Variants in UBE2D1 observed in about 807,000 individuals in gnomAD.
UBE2D1 encodes ubiquitin conjugating enzyme E2 D1, also known as ubiquitin-conjugating enzyme E2 D1.
UBE2D1 carries 9 observed loss-of-function variants against 24.6 expected under a neutral mutation model. The ratio of observed to expected loss-of-function variants is 0.37; its 90% confidence interval spans 0.22 to 0.64. The LOEUF (loss-of-function observed/expected upper bound fraction) is 0.64. Ranked by LOEUF, UBE2D1 falls within the 30% of genes least tolerant of loss-of-function variation. The probability of loss-of-function intolerance (pLI) is 0.64; values close to 1 mark genes in which losing one functional copy is unlikely to be tolerated. For missense variants in UBE2D1, 87 were observed against 177.1 expected (o/e 0.49, Z 2.89); for synonymous variants, 57 against 57.6 (o/e 0.99, Z 0.04).
intron 3 of UBE2D1, among the ~76,000 whole-genome samples, chr10:58,363,077 T>C (rs2132331635): frequency 6.6e-6 from 1 of 152,254 alleles, no homozygotes; most frequent in East Asian, 1.9e-4. Context: ...TTATAAATAA[T>C]TACTAAACGA....
At chr10:58,344,515 T>G (rs1839995313) in intron 1 of UBE2D1, among the ~76,000 whole-genome samples, 1 of 152,166 alleles carries the variant, frequency 6.6e-6, no homozygotes, top group Non-Finnish European at 1.5e-5. Flanking sequence ...GTTTTTTTTT[T>G]TGCAGCAAAC....
chr10:58,360,212 T>C (rs555861759), intron 1 of UBE2D1, among the ~76,000 whole-genome samples: 2 of 152,320 alleles, frequency 1.3e-5, no homozygotes, highest in African/African-American at 4.8e-5. Context: ...AAGTAACTCC[T>C]ACTCATCCTT....
chr10:58,340,874 T>A lies in UBE2D1; in HGVS notation c.24+5649T>A, dbSNP rs570706555. On this transcript the variant is annotated intron_variant, in intron 1 of 6. Transcript: ENST00000373910. ...CCACATGAACTCGTATCTATTGTACTTAAACTGGAAGACATAGAGTCAAAT... is the reference window on the plus strand; with the variant it reads ...CCACATGAACTCGTATCTATTGTACATAAACTGGAAGACATAGAGTCAAAT... Among the ~76,000 whole-genome samples the A allele has an allele frequency of 1.1e-4, 16 of 152,352 alleles. No homozygotes were observed. In the South Asian group the frequency reaches 1.4e-3, roughly 14 times the overall value.
intron 1 of UBE2D1, among the ~76,000 whole-genome samples, chr10:58,355,582 CTTATGT>C (rs1474408572): frequency 2.6e-5 from 4 of 152,042 alleles, no homozygotes; most frequent in African/African-American, 4.8e-5. Flanking sequence ...GACTGGTTGG[CTTATGT>C]CCCATTAACA....
chr10:58,358,076 G>A (rs1193778559), intron 1 of UBE2D1, among the ~76,000 whole-genome samples: 2 of 151,988 alleles, frequency 1.3e-5, no homozygotes, highest in Admixed American at 6.6e-5. Flanking sequence ...TTGAAGAACA[G>A]CCTGACATGT....
intron 1 of UBE2D1, among the ~76,000 whole-genome samples, chr10:58,349,751 C>G (rs781007980): frequency 2.0e-5 from 3 of 152,108 alleles, no homozygotes; most frequent in Non-Finnish European, 4.4e-5. Flanking sequence ...AAACCAGCAC[C>G]CAGCTCAAGA....
At chr10:58,361,460 T>G (rs886789307) in intron 2 of UBE2D1, 35 bp from the exon 3 acceptor site, 1 of 1,614,084 alleles carries the variant, frequency 6.2e-7, no homozygotes, top group African/African-American at 1.3e-5. Flanking sequence ...TTTGAACATT[T>G]GTTAATGACT....
chr10:58,353,907 TA>T (rs1256262306), intron 1 of UBE2D1, among the ~76,000 whole-genome samples: 1 of 152,238 alleles, frequency 6.6e-6, no homozygotes, highest in East Asian at 1.9e-4. Flanking sequence ...AATTTTTCTT[TA>T]AATTTTATTG....
chr10:58,348,627 A>G (rs1301127522), intron 1 of UBE2D1, among the ~76,000 whole-genome samples: 1 of 152,204 alleles, frequency 6.6e-6, no homozygotes. Flanking sequence ...TATTATATCT[A>G]TTATGGAGAT....
intron 1 of UBE2D1, among the ~76,000 whole-genome samples, chr10:58,344,399 C>T (rs142575655): frequency 1.5e-4 from 23 of 152,282 alleles, no homozygotes; most frequent in Non-Finnish European, 2.6e-4. Context: ...GGCCAGGAGA[C>T]TCAGTCTTTA....
At chr10:58,355,261 G>A (rs1047350125) in intron 1 of UBE2D1, among the ~76,000 whole-genome samples, 1 of 152,186 alleles carries the variant, frequency 6.6e-6, no homozygotes, top group East Asian at 1.9e-4. Context: ...CCAAATAAGA[G>A]TGTAGGTTTG....
At chr10:58,368,684 G>T (rs1279038970) in intron 6 of UBE2D1, 36 bp from the exon 7 acceptor site, 1 of 1,440,140 alleles carries the variant, frequency 6.9e-7, no homozygotes, top group South Asian at 1.3e-5. Context: ...TATTAATTTT[G>T]TATGTTTTTA....
chr10:58,351,186 C>T (rs924406459), intron 1 of UBE2D1, among the ~76,000 whole-genome samples: 2 of 152,138 alleles, frequency 1.3e-5, no homozygotes, highest in African/African-American at 4.8e-5. Context: ...TGTACATACA[C>T]TTAGTATATA....
rs571360115 is a variant in UBE2D1, at chr10:58,350,416, GCTT to G, written c.25-10918_25-10916del. ...TATATGTGTATTGGCCATTTGGGTA[GCTT>G]CTTTTGCAAAGTGCCTGTTTATGTT... On this transcript the variant is annotated intron_variant, in intron 1 of 6. Transcript: ENST00000373910. Among the ~76,000 whole-genome samples the G allele has an allele frequency of 1.5e-3, 232 of 152,204 alleles. 1 individual carries two copies. Among genetic ancestry groups the G allele is most frequent in the Admixed American group, 4.5e-3 (69 of 15,294 alleles).
rs539755912 is a variant in UBE2D1 at position 58,370,575 on chromosome 10, G to T, written c.*1810G>T. The T allele has an allele frequency of 3.6e-4, 55 of 151,856 alleles. No individual in the cohort carries two copies. The highest frequency in any genetic ancestry group is 7.1e-4 in the Non-Finnish European group (48 of 67,856). 9.4% of individuals were successfully genotyped at this position (151,856 alleles called of 1,614,324 possible). On this transcript the variant is annotated 3_prime_UTR_variant, in exon 7 of 7. Transcript: ENST00000373910. ...TATTATTATAAGCTACATTTGCCCTGAATTTGAACACTCAACATCACTAGA... is the reference window on the plus strand; with the variant it reads ...TATTATTATAAGCTACATTTGCCCTTAATTTGAACACTCAACATCACTAGA...
chr10:58,341,975 G>A (rs1411941766), intron 1 of UBE2D1, among the ~76,000 whole-genome samples: 2 of 152,152 alleles, frequency 1.3e-5, no homozygotes, highest in Non-Finnish European at 2.9e-5. Flanking sequence ...GGAGGGGTAG[G>A]TCCTCAGGCC....
At position 58,355,359 on chromosome 10, in the gene UBE2D1, T is replaced by C. The variant is rs76426747; in HGVS notation, c.25-5979T>C. Among the ~76,000 whole-genome samples the C allele has an allele frequency of 7.6e-3, 1,164 of 152,266 alleles. 14 individuals are homozygous for C. Among genetic ancestry groups the C allele is most frequent in the African/African-American group, 0.027 (1,108 of 41,552 alleles). ...ACTGAAATAAAGTAGAAGAGTGAAA[T>C]AAAAGGAGCTGTGCTTTTAGAAGAT... On this transcript the variant is annotated intron_variant, in intron 1 of 6. Transcript: ENST00000373910.
chr10:58,368,163 T>C (rs1840277381), intron 6 of UBE2D1, 147 bp downstream of exon 6: 1 of 574,252 alleles, frequency 1.7e-6, no homozygotes, highest in Admixed American at 3.1e-5. Flanking sequence ...TAAACCTTTC[T>C]TTGAGAACTC....
intron 1 of UBE2D1, 61 bp from the exon 2 acceptor site, chr10:58,361,277 A>G (rs1184321007): frequency 3.2e-6 from 5 of 1,548,838 alleles, no homozygotes; most frequent in South Asian, 1.1e-5. Flanking sequence ...TTAATGGATC[A>G]TTACCCTTGT....
Sources: gnomAD v4.1 joint callset for allele counts (sites outside exome capture counted in the v4.1 genomes callset) on GRCh38, gnomAD v4.1.1 for gene constraint, MANE v1.5 for transcripts, NCBI Gene and HGNC (gene_info 2026-07-23, HGNC 2026-07-21) for gene names.